Variants in UAP1L1 observed in about 807,000 individuals in gnomAD.
UAP1L1 encodes UDP-N-acetylglucosamine pyrophosphorylase 1 like 1.
Under a neutral mutation model 45.3 loss-of-function variants are expected in UAP1L1, and 45 were observed. The ratio of observed to expected loss-of-function variants is 0.99; its 90% confidence interval spans 0.78 to 1.27. UAP1L1 has a LOEUF of 1.27. Among genes scored for constraint, UAP1L1 ranks in the 50% most tolerant of loss-of-function variants. UAP1L1 has a pLI of 0.00. For synonymous variants in UAP1L1, 323 were observed against 303.9 expected (o/e 1.06, Z -0.65); for missense variants, 667 against 694.0 (o/e 0.96, Z 0.44).
chr9:137,081,009 A>C, intron 7 of UAP1L1, 135 bp downstream of exon 7: 1 of 924,734 alleles, frequency 1.1e-6, no homozygotes, highest in Non-Finnish European at 1.6e-6. Flanking sequence ...CCGCAGGTGC[A>C]GGTAGCCTTG....
chr9:137,079,420 C>CG lies in UAP1L1; in HGVS notation c.1008_1009insG (p.Thr337AspfsTer6), dbSNP rs778297588. Reference sequence around the variant, plus strand: ...CAGGCAACATCTGCAACCACTTCTTCACCCGAGGCTTCCTTAAGGCGGTCA... The same window carrying CG: ...CAGGCAACATCTGCAACCACTTCTTCGACCCGAGGCTTCCTTAAGGCGGTCA... On this transcript the variant is annotated frameshift_variant, in exon 5 of 9. Coordinates refer to ENST00000409858, the MANE Select transcript of UAP1L1 (RefSeq NM_207309.3). LOFTEE classifies it high-confidence loss of function. 1 of 1,598,352 alleles carries CG rather than the reference C, an allele frequency of 6.3e-7. No individual in the cohort carries two copies. Among genetic ancestry groups the CG allele is most frequent in the Admixed American group, 1.7e-5 (1 of 59,058 alleles).
rs912392320 is a variant in UAP1L1, at chr9:137,083,157, C to G, written c.*428C>G. The G allele has an allele frequency of 1.1e-5, 2 of 181,756 alleles. No homozygotes were observed. Among genetic ancestry groups the G allele is most frequent in the African/African-American group, 2.3e-5 (1 of 43,156 alleles). The allele number at this position is 181,756 out of a possible 1,614,324, so 11.3% of individuals were successfully genotyped here. A position where few individuals can be genotyped will look rare whatever the true frequency, so the allele number is the denominator to read the frequency against. ...AGCCCGCCTTGTGGATCCACCACAC[C>G]CCACCGAGCACTAGAAGCTGCATAA... On this transcript the variant is annotated 3_prime_UTR_variant, in exon 9 of 9. Coordinates refer to ENST00000409858, the MANE Select transcript of UAP1L1 (RefSeq NM_207309.3).
rs1187386652 is a variant in UAP1L1 at position 137,078,148 on chromosome 9, G to A, written c.388G>A (p.Val130Met). Residue 130 changes from valine to methionine, a missense_variant, in exon 2 of 9, where the codon GTG becomes ATG. Transcript: ENST00000409858. ...GACCTACCCCAAGGGTATGTACCGT[G>A]TGGGGCTGCCCAGCCGGAAGACCCT... ...GVTYPKGMYRVGLPSRKTLYQ... is the reference protein window; with the variant it reads ...GVTYPKGMYRMGLPSRKTLYQ... The A allele has an allele frequency of 1.3e-6, 2 of 1,550,166 alleles. No individual in the cohort carries two copies. The highest frequency in any genetic ancestry group is 3.9e-5 in the Admixed American group (2 of 51,006).
chr9:137,079,112 C>T lies in UAP1L1; in HGVS notation c.807C>T (p.Gly269=). 1.9e-6 allele frequency: 3 copies of T among 1,611,836 alleles called. No individual in the cohort carries two copies. The highest frequency in any genetic ancestry group is 2.5e-6 in the Non-Finnish European group (3 of 1,179,654). The change falls in exon 4 of 9, where the codon GGC becomes GGT. Residue 269 remains glycine (G), a synonymous_variant. Transcript: ENST00000409858. The part of the protein sequence containing the change: ...LVRLADPVFI[G]FCVLQGADCG... Reference sequence around the variant, plus strand: ...GGCTGGCGGACCCTGTCTTCATCGGCTTCTGTGTGTTGCAGGGCGCAGACT... The same window carrying T: ...GGCTGGCGGACCCTGTCTTCATCGGTTTCTGTGTGTTGCAGGGCGCAGACT...
chr9:137,078,531 G>C lies in UAP1L1; in HGVS notation c.524G>C (p.Gly175Ala). ...GTCATGACCAGCGAGTTCACTCTGG[G>C]GCCCACGGCCGAGTTCTTCAGGGAG... ...WYVMTSEFTL[G>A]PTAEFFREHN... Residue 175 changes from glycine to alanine, a missense_variant, in exon 3 of 9, where the codon GGG becomes GCG. By Grantham distance (60) the Gly-to-Ala change is moderately conservative. Coordinates refer to ENST00000409858, the MANE Select transcript of UAP1L1 (RefSeq NM_207309.3). The C allele has an allele frequency of 6.2e-7, 1 of 1,613,154 alleles. No homozygotes were observed. Among genetic ancestry groups the C allele is most frequent in the East Asian group, 2.2e-5 (1 of 44,892 alleles).
rs756332547 is a variant in UAP1L1 at position 137,079,452 on chromosome 9, G to T, written c.1037+3G>T. The T allele has an allele frequency of 1.3e-6, 2 of 1,579,034 alleles. No homozygotes were observed. The highest frequency in any genetic ancestry group is 1.7e-4 in the Middle Eastern group (1 of 5,916). ...GGCTTCCTTAAGGCGGTCACCAGGT[G>T]TGCGGCAGCAGGTGGCTGCGGATTG... is the stretch of plus-strand genomic sequence containing the variant. On this transcript the variant is annotated splice_donor_region_variant and intron_variant, in intron 5 of 8. Coordinates refer to ENST00000409858, the MANE Select transcript of UAP1L1 (RefSeq NM_207309.3).
At position 137,082,751 on chromosome 9, in the gene UAP1L1, C is replaced by G; in HGVS notation, c.*22C>G. On this transcript the variant is annotated 3_prime_UTR_variant, in exon 9 of 9. Coordinates refer to ENST00000409858, the MANE Select transcript of UAP1L1 (RefSeq NM_207309.3). This position sits in a 1 kb window ranked among gnomAD's most constrained non-coding sequence, Gnocchi z 5.7. ...CTGACCCGCCCAGACTGTCCCCAGA[C>G]TCCCCCGAGACCTGCCAGCCCCGGC... 6.5e-7 allele frequency: 1 copy of G among 1,535,052 alleles called. No homozygotes were observed. Among genetic ancestry groups the G allele is most frequent in the Non-Finnish European group, 8.8e-7 (1 of 1,139,744 alleles).
In UAP1L1 at chr9:137,077,967, C is replaced by A. The variant is rs146448201; in HGVS notation, c.290-83C>A. On this transcript the variant is annotated intron_variant, in intron 1 of 8. Transcript: ENST00000409858. The surrounding 1 kb of genome is among the most constrained non-coding windows in gnomAD (Gnocchi z 4.7). ...ACGCGTTCCGGCCCCCGAGTCCTGG[C>A]GCCCCAGCCCCAGAGTTGGTTTCCC... 6.6e-4 allele frequency: 1,014 copies of A among 1,530,950 alleles called. 17 individuals are homozygous for A. The East Asian group carries it at 0.022, about 33-fold the overall frequency. 94.8% of individuals were successfully genotyped at this position (1,530,950 alleles called of 1,614,324 possible).
Position 137,082,781 on chromosome 9 carries a change from T to C in UAP1L1, c.*52T>C, listed in dbSNP as rs915428810. On this transcript the variant is annotated 3_prime_UTR_variant, in exon 9 of 9. Coordinates refer to ENST00000409858, the MANE Select transcript of UAP1L1 (RefSeq NM_207309.3). This position sits in a 1 kb window ranked among gnomAD's most constrained non-coding sequence, Gnocchi z 5.7. Reference sequence around the variant, plus strand: ...CCGAGACCTGCCAGCCCCGGCATCCTGGAAGTCCCGACTCCCCCCAGACCT... The same window carrying C: ...CCGAGACCTGCCAGCCCCGGCATCCCGGAAGTCCCGACTCCCCCCAGACCT... 6.9e-7 allele frequency: 1 copy of C among 1,458,930 alleles called. No individual in the cohort carries two copies. The highest frequency in any genetic ancestry group is 1.2e-5 in the South Asian group (1 of 82,170). The allele number at this position is 1,458,930 out of a possible 1,614,324, so 90.4% of individuals were successfully genotyped here.
intron 2 of UAP1L1, 91 bp from the exon 3 acceptor site, chr9:137,078,411 A>G (rs772705266): frequency 6.2e-7 from 1 of 1,600,884 alleles, no homozygotes; most frequent in South Asian, 1.1e-5. Flanking sequence ...TGGACACTGG[A>G]CCCCGAACCC....
intron 7 of UAP1L1, among the ~76,000 whole-genome samples, chr9:137,081,131 A>G (rs138289504): frequency 2.0e-5 from 3 of 152,298 alleles, no homozygotes; most frequent in East Asian, 3.9e-4. Context: ...CTCCCTCCCC[A>G]ACTTATCCAC....
rs1832839868 is a variant in UAP1L1, at chr9:137,084,495, CTGTAG to C, written c.*1767_*1771del. 1 of 152,198 alleles carries C rather than the reference CTGTAG, an allele frequency of 6.6e-6. No individual in the cohort carries two copies. Among genetic ancestry groups the C allele is most frequent in the Admixed American group, 6.5e-5 (1 of 15,278 alleles). 9.4% of individuals were successfully genotyped at this position (152,198 alleles called of 1,614,324 possible). ...GGCCGGTTGCTGGCATCTTAATGTT[CTGTAG>C]GTGGAATATTTCCAATAAACACAAG... On this transcript the variant is annotated 3_prime_UTR_variant, in exon 9 of 9. Transcript: ENST00000409858.
At chr9:137,078,394 C>T (rs368062619) in intron 2 of UAP1L1, 108 bp from the exon 3 acceptor site, 56 of 1,587,046 alleles carry the variant, frequency 3.5e-5, no homozygotes, top group Admixed American at 2.0e-4. Context: ...CTGGCCCCAG[C>T]CCCAACTGGA....
At position 137,082,804 on chromosome 9, in the gene UAP1L1, C is replaced by A; in HGVS notation, c.*75C>A. The stretch of plus-strand genomic sequence containing the variant: ...CCTGGAAGTCCCGACTCCCCCCAGA[C>A]CTGCCAGCCCCGGCGTCCTGGAGCT... On this transcript the variant is annotated 3_prime_UTR_variant, in exon 9 of 9. Transcript: ENST00000409858. This position sits in a 1 kb window ranked among gnomAD's most constrained non-coding sequence, Gnocchi z 5.7. 1 of 1,279,054 alleles carries A rather than the reference C, an allele frequency of 7.8e-7. No homozygotes were observed. Among genetic ancestry groups the A allele is most frequent in the Non-Finnish European group, 1.1e-6 (1 of 917,180 alleles). 79.2% of individuals were successfully genotyped at this position (1,279,054 alleles called of 1,614,324 possible). A position where few individuals can be genotyped will look rare whatever the true frequency, so the allele number is the denominator to read the frequency against.
chr9:137,079,350 A>T lies in UAP1L1; in HGVS notation c.938A>T (p.Glu313Val). 6.2e-7 allele frequency: 1 copy of T among 1,613,124 alleles called. No individual in the cohort carries two copies. Among genetic ancestry groups the T allele is most frequent in the Non-Finnish European group, 8.5e-7 (1 of 1,179,840 alleles). ...QVVEYSEISPETAQLRASDGS... is the reference protein window; with the variant it reads ...QVVEYSEISPVTAQLRASDGS... ...GTGGAGTACAGCGAGATCAGTCCTGAGACCGCACAGCTACGTGCCTCCGAC... is the reference window on the plus strand; with the variant it reads ...GTGGAGTACAGCGAGATCAGTCCTGTGACCGCACAGCTACGTGCCTCCGAC... Residue 313 changes from glutamate to valine, a missense_variant, in exon 5 of 9, where the codon GAG (glutamate) becomes GTG (valine). By Grantham distance (121) the Glu-to-Val change is moderately radical. Coordinates refer to ENST00000409858, the MANE Select transcript of UAP1L1 (RefSeq NM_207309.3).
Position 137,079,118 on chromosome 9 carries a change from T to C in UAP1L1, c.813T>C (p.Cys271=). The part of the protein sequence containing the change: ...RLADPVFIGF[C]VLQGADCGAK... ...CGGACCCTGTCTTCATCGGCTTCTG[T>C]GTGTTGCAGGGCGCAGACTGTGGCG... Residue 271 remains cysteine, a synonymous_variant, in exon 4 of 9, where the codon TGT becomes TGC. Transcript: ENST00000409858. 1 of 1,611,676 alleles carries C rather than the reference T, an allele frequency of 6.2e-7. No individual in the cohort carries two copies. Among genetic ancestry groups the C allele is most frequent in the Non-Finnish European group, 8.5e-7 (1 of 1,179,604 alleles).
intron 6 of UAP1L1, chr9:137,080,462 C>T (rs1832772585): frequency 1.7e-6 from 1 of 604,166 alleles, no homozygotes; most frequent in Non-Finnish European, 2.9e-6. Flanking sequence ...GCCCTCACTG[C>T]AGGGGTCCCA....
At position 137,080,783 on chromosome 9, in the gene UAP1L1, C is replaced by T. The variant is rs773681994; in HGVS notation, c.1273C>T (p.Gln425Ter). The T allele has an allele frequency of 6.2e-7, 1 of 1,612,670 alleles. No homozygotes were observed. Among genetic ancestry groups the T allele is most frequent in the Non-Finnish European group, 8.5e-7 (1 of 1,179,942 alleles). Residue 425 changes from glutamine (Q) to a stop codon, truncating the protein, a stop_gained, in exon 7 of 9, where the codon CAG becomes TAG. Transcript: ENST00000409858. LOFTEE classifies it high-confidence loss of function. Reference protein sequence around the residue: ...ADRDSPRTARQALLTQHYRWA... With the variant: ...ADRDSPRTAR ...CAGGGACAGTCCCCGCACCGCTCGC[C>T]AGGCCCTGCTCACCCAGCACTACCG...
Position 137,082,577 on chromosome 9 carries a change from A to C in UAP1L1, c.1432-60A>C. On this transcript the variant is annotated intron_variant, in intron 8 of 8. Transcript: ENST00000409858. The surrounding 1 kb of genome is among the most constrained non-coding windows in gnomAD (Gnocchi z 5.7). ...GGGGACTGTGGCTCTTGGTGTGGCC[A>C]GAGGGGCTGTGACCCGCCAAAAGGT... 1 of 1,388,726 alleles carries C rather than the reference A, an allele frequency of 7.2e-7. No individual in the cohort carries two copies. The highest frequency in any genetic ancestry group is 1.0e-6 in the Non-Finnish European group (1 of 1,000,842). The allele number at this position is 1,388,726 out of a possible 1,614,324, so 86.0% of individuals were successfully genotyped here.
Sources: gnomAD v4.1 joint callset for allele counts (sites outside exome capture counted in the v4.1 genomes callset) on GRCh38, gnomAD v4.1.1 for gene constraint, Gnocchi (gnomAD v3.1) non-coding constraint, MANE v1.5 for transcripts, NCBI Gene and HGNC (gene_info 2026-07-23, HGNC 2026-07-21) for gene names.